Variants in L3MBTL4 observed in about 807,000 individuals in gnomAD.
L3MBTL4 encodes lethal(3)malignant brain tumor-like protein 4.
Under a neutral mutation model 84.5 loss-of-function variants are expected in L3MBTL4, and 70 were observed. The ratio of observed to expected loss-of-function variants is 0.83; its 90% CI spans 0.68 to 1.01. L3MBTL4 has a LOEUF of 1.01. L3MBTL4 is among the 50% of genes least tolerant of loss of function. The probability of loss-of-function intolerance (pLI) is 0.00; values close to 1 mark genes in which losing one functional copy is unlikely to be tolerated. For missense variants in L3MBTL4, 715 were observed against 754.8 expected, an observed-to-expected ratio of 0.95 and a Z score of 0.62; for synonymous variants, 274 against 259.8, an observed-to-expected ratio of 1.05 and a Z score of -0.52.
chr18:6,300,451 A>T (rs1044730730), intron 4 of L3MBTL4, among the ~76,000 whole-genome samples: 1 of 152,206 alleles, frequency 6.6e-6, no homozygotes, highest in African/African-American at 2.4e-5. Flanking sequence ...CAATGAAAAA[A>T]CACAGCAAAA....
At chr18:6,171,976 G>C (rs1345246540) in intron 12 of L3MBTL4, 34 bp from the exon 13 acceptor site, 5 of 1,040,592 alleles carry the variant, frequency 4.8e-6, no homozygotes, top group Non-Finnish European at 7.2e-6. Flanking sequence ...TTAGCATTTA[G>C]TAATTAGGAT....
intron 13 of L3MBTL4, among the ~76,000 whole-genome samples, chr18:6,151,754 T>C (rs2042907419): frequency 6.6e-6 from 1 of 152,238 alleles, no homozygotes; most frequent in South Asian, 2.1e-4. Context: ...GACATGGTGA[T>C]GTGATAAACA....
intron 16 of L3MBTL4, among the ~76,000 whole-genome samples, chr18:6,037,256 G>C (rs938832916): frequency 6.6e-6 from 1 of 152,150 alleles, no homozygotes; most frequent in African/African-American, 2.4e-5. Context: ...GTGTGAAATG[G>C]GTAACTACTA....
chr18:6,410,482 C>A (rs1402407259), intron 1 of L3MBTL4, among the ~76,000 whole-genome samples: 1 of 151,764 alleles, frequency 6.6e-6, no homozygotes, highest in Non-Finnish European at 1.5e-5. Context: ...AAATGCCTCA[C>A]CCCTAAGTTC....
intron 16 of L3MBTL4, among the ~76,000 whole-genome samples, chr18:5,979,270 A>G (rs2053101220): frequency 6.6e-6 from 1 of 152,152 alleles, no homozygotes; most frequent in South Asian, 2.1e-4. Flanking sequence ...TTGAACAGAG[A>G]GACCCCTGAC....
At chr18:6,019,847 T>C (rs747989293) in intron 16 of L3MBTL4, among the ~76,000 whole-genome samples, 3 of 152,250 alleles carry the variant, frequency 2.0e-5, no homozygotes, top group Non-Finnish European at 4.4e-5. Context: ...TTAGATCATG[T>C]GTGTTTCTAT....
Position 6,345,186 on chromosome 18 carries a change from G to A in L3MBTL4, c.-90-33130C>T, listed in dbSNP as rs535817013. ...GTAGTTTGAGACCAGCCTGGGCACC[G>A]ATGGTGAAACCCCATCTCTACTAAA... On this transcript the variant is annotated intron_variant, in intron 1 of 18. Coordinates refer to ENST00000317931, the MANE Select transcript of L3MBTL4 (RefSeq NM_001330559.2). Among the ~76,000 whole-genome samples, 5 of 123,428 alleles carry A rather than the reference G, an allele frequency of 4.1e-5. No individual in the cohort carries two copies. In the East Asian group the frequency reaches 9.7e-4, roughly 24 times the overall value. 81.0% of individuals were successfully genotyped at this position (123,428 alleles called of 152,430 possible).
At chr18:6,132,361 C>T (rs1036417471) in intron 14 of L3MBTL4, among the ~76,000 whole-genome samples, 2 of 151,996 alleles carry the variant, frequency 1.3e-5, no homozygotes, top group Admixed American at 1.3e-4. Context: ...ATTTCTGAGA[C>T]CCTGGAATCA....
At chr18:6,308,631 C>G (rs571709540) in intron 3 of L3MBTL4, among the ~76,000 whole-genome samples, 3 of 152,110 alleles carry the variant, frequency 2.0e-5, no homozygotes, top group Non-Finnish European at 4.4e-5. Context: ...CCTGTATCTC[C>G]AAGACATTCA....
Position 6,215,791 on chromosome 18 carries a change from CTTCCAGGTATTCT to C in L3MBTL4, c.816_828del (p.Glu273LeufsTer14). 3 of 1,608,180 alleles carry C rather than the reference CTTCCAGGTATTCT, an allele frequency of 1.9e-6. No homozygotes were observed. The highest frequency in any genetic ancestry group is 2.5e-6 in the Non-Finnish European group (3 of 1,177,368). On this transcript the variant is annotated frameshift_variant, in exon 11 of 19. Coordinates refer to ENST00000317931, the MANE Select transcript of L3MBTL4 (RefSeq NM_001330559.2). LOFTEE classifies it high-confidence loss of function. ...GCAGGAACTGCATTGGTTTGAGTAG[CTTCCAGGTATTCT>C]GTCCAGGAAAAATTTTCTGGATTGG...
intron 12 of L3MBTL4, among the ~76,000 whole-genome samples, chr18:6,191,195 G>A (rs1027979042): frequency 3.3e-5 from 5 of 152,196 alleles, no homozygotes; most frequent in African/African-American, 9.7e-5. Context: ...CTGGGGCAGA[G>A]GGAGGTGGCT....
intron 5 of L3MBTL4, among the ~76,000 whole-genome samples, chr18:6,258,284 C>T (rs1025855191): frequency 5.3e-5 from 8 of 152,230 alleles, no homozygotes; most frequent in African/African-American, 1.7e-4. Context: ...CAGACAATGC[C>T]TGCACGCTGA....
chr18:6,149,009 T>A (rs1484176636), intron 13 of L3MBTL4, among the ~76,000 whole-genome samples: 1 of 152,164 alleles, frequency 6.6e-6, no homozygotes, highest in Non-Finnish European at 1.5e-5. Flanking sequence ...AAATTGTCTC[T>A]CAAAGAAATT....
chr18:6,337,585 T>C (rs1242838883), intron 1 of L3MBTL4, among the ~76,000 whole-genome samples: 1 of 152,092 alleles, frequency 6.6e-6, no homozygotes, highest in African/African-American at 2.4e-5. Flanking sequence ...AGACAGCTAT[T>C]ACCTTTAGAA....
intron 16 of L3MBTL4, among the ~76,000 whole-genome samples, chr18:6,014,894 C>T (rs373381522): frequency 9.9e-5 from 15 of 152,100 alleles, no homozygotes; most frequent in African/African-American, 2.7e-4. Flanking sequence ...ACAGGAAGAG[C>T]GGGAGGACTG....
At chr18:6,115,794 C>T (rs2059338967) in intron 14 of L3MBTL4, among the ~76,000 whole-genome samples, 1 of 152,200 alleles carries the variant, frequency 6.6e-6, no homozygotes, top group Non-Finnish European at 1.5e-5. Context: ...ACGAAGTCGT[C>T]TTCAGACCTG....
chr18:6,381,470 C>T (rs1179754770), intron 1 of L3MBTL4, among the ~76,000 whole-genome samples: 4 of 152,118 alleles, frequency 2.6e-5, no homozygotes, highest in African/African-American at 7.2e-5. Context: ...TGGTTGGTAC[C>T]GGTTGTTCCT....
rs1168942168 is a variant in L3MBTL4 at position 5,954,884 on chromosome 18, A to T, written c.*1336T>A. ...ATATTAAAATTCCTTTTAGGTAAAGATCTAAAGAAATGTTATATATGCACA... is the reference window on the plus strand; with the variant it reads ...ATATTAAAATTCCTTTTAGGTAAAGTTCTAAAGAAATGTTATATATGCACA... On this transcript the variant is annotated 3_prime_UTR_variant, in exon 19 of 19. Coordinates refer to ENST00000317931, the MANE Select transcript of L3MBTL4 (RefSeq NM_001330559.2). 3 of 152,212 alleles carry T rather than the reference A, an allele frequency of 2.0e-5. No individual in the cohort carries two copies. The highest frequency in any genetic ancestry group is 4.4e-5 in the Non-Finnish European group (3 of 68,038). The allele number at this position is 152,212 out of a possible 1,614,324, so 9.4% of individuals were successfully genotyped here. A position where few individuals can be genotyped will look rare whatever the true frequency, so the allele number is the denominator to read the frequency against.
rs144313469 is a variant in L3MBTL4 at position 6,192,504 on chromosome 18, T to TC, written c.982-20563dup. Among the ~76,000 whole-genome samples the TC allele has an allele frequency of 4.0e-3, 603 of 151,686 alleles. 4 individuals are homozygous for TC. The highest frequency in any genetic ancestry group is 0.014 in the African/African-American group (585 of 41,360). On this transcript the variant is annotated intron_variant, in intron 12 of 18. Transcript: ENST00000317931. The stretch of plus-strand genomic sequence containing the variant: ...GGGTGGTGCTGGCAATATGTGTGAG[T>TC]CCTAGAGTTCCATTCTGATGGCTTC...
Sources: allele counts gnomAD v4.1 joint callset (sites outside exome capture counted in the v4.1 genomes callset), GRCh38; gene constraint gnomAD v4.1.1; transcripts MANE v1.5; gene names NCBI Gene and HGNC (gene_info 2026-07-23, HGNC 2026-07-21).